The following CHMP4B variants were observed in gnomAD, a reference collection of about 807,000 sequenced individuals.
The protein encoded by CHMP4B is SNF7 homolog associated with Alix 1.
In CHMP4B, 1 loss-of-function variant was observed where a neutral mutation model predicts 25.1. That is an observed-to-expected ratio of 0.04 (90% CI 0.01 to 0.19). The LOEUF (loss-of-function observed/expected upper bound fraction) is 0.19, where lower values mean the gene tolerates loss of function less well. Ranked by LOEUF, CHMP4B falls within the 10% of genes least tolerant of loss-of-function variation. The probability of loss-of-function intolerance (pLI) is 1.00; values close to 1 mark genes in which losing one functional copy is unlikely to be tolerated. For missense variants in CHMP4B, 151 were observed against 289.7 expected, an observed-to-expected ratio of 0.52 and a Z score of 3.48; for synonymous variants, 101 against 115.6, an observed-to-expected ratio of 0.87 and a Z score of 0.81.
At position 33,841,455 on chromosome 20, in the gene CHMP4B, G is replaced by C. The variant is rs1979537944; in HGVS notation, c.191-7012G>C. On this transcript the variant is annotated intron_variant, in intron 1 of 4. Coordinates refer to ENST00000217402, the MANE Select transcript of CHMP4B (RefSeq NM_176812.5). ...GGACAGCGTTCCAAGGCTTTTGCAGGATGAGGCCCTTGTCCTGCAGGTGAG... is the reference window on the plus strand; with the variant it reads ...GGACAGCGTTCCAAGGCTTTTGCAGCATGAGGCCCTTGTCCTGCAGGTGAG... Among the ~76,000 whole-genome samples the C allele has an allele frequency of 2.0e-5, 3 of 152,344 alleles. No individual in the cohort carries two copies. In the South Asian group the frequency reaches 6.2e-4, roughly 32 times the overall value.
At chr20:33,822,808 T>C (rs1978979584) in intron 1 of CHMP4B, among the ~76,000 whole-genome samples, 1 of 152,178 alleles carries the variant, frequency 6.6e-6, no homozygotes, top group South Asian at 2.1e-4. Context: ...TTTTTTATTT[T>C]TTTGAGACAA....
At chr20:33,831,241 C>T (rs568080089) in intron 1 of CHMP4B, among the ~76,000 whole-genome samples, 86 of 152,096 alleles carry the variant, frequency 5.7e-4, no homozygotes, top group African/African-American at 1.9e-3. Context: ...ATTACAGGCA[C>T]GTACCACCAC....
At chr20:33,830,937 T>TTTTTTTTTTTTTTG (rs1979226543) in intron 1 of CHMP4B, among the ~76,000 whole-genome samples, 2 of 140,014 alleles carry the variant, frequency 1.4e-5, no homozygotes, top group South Asian at 4.8e-4. Context: ...AACAGAGTTT[T>TTTTTTTTTTTTTTG]TTTTTTTTTT....
chr20:33,846,122 C>G (rs147142770), intron 1 of CHMP4B, among the ~76,000 whole-genome samples: 1 of 152,188 alleles, frequency 6.6e-6, no homozygotes, highest in African/African-American at 2.4e-5. Flanking sequence ...AGGGCAGTAT[C>G]CTACCTTTTT....
intron 1 of CHMP4B, among the ~76,000 whole-genome samples, chr20:33,842,493 A>G (rs1017504908): frequency 1.3e-5 from 2 of 152,200 alleles, no homozygotes; most frequent in Non-Finnish European, 2.9e-5. Flanking sequence ...AGGAGGAGCT[A>G]TCTGAGTGAT....
At chr20:33,843,034 T>C (rs532350952) in intron 1 of CHMP4B, among the ~76,000 whole-genome samples, 15 of 152,358 alleles carry the variant, frequency 9.8e-5, no homozygotes, top group Admixed American at 3.3e-4. Context: ...ATCGAACTGA[T>C]GTGTTCTCTA....
At chr20:33,819,872 GA>G (rs1270066754) in intron 1 of CHMP4B, among the ~76,000 whole-genome samples, 1 of 152,122 alleles carries the variant, frequency 6.6e-6, no homozygotes, top group Non-Finnish European at 1.5e-5. Context: ...GAAATTGTTA[GA>G]AACGTGGATT....
intron 1 of CHMP4B, among the ~76,000 whole-genome samples, chr20:33,812,713 T>A (rs1302175886): frequency 6.6e-6 from 1 of 152,206 alleles, no homozygotes; most frequent in Non-Finnish European, 1.5e-5. Context: ...AGTCTGCTAG[T>A]GACTAGCAGT....
intron 1 of CHMP4B, among the ~76,000 whole-genome samples, chr20:33,816,037 C>T (rs1031234787): frequency 2.6e-5 from 4 of 152,346 alleles, no homozygotes; most frequent in African/African-American, 9.6e-5. Context: ...ACTTCAGAAG[C>T]TTTGAAACAG....
rs552830698 is a variant in CHMP4B at position 33,820,247 on chromosome 20, C to T, written c.190+8589C>T. 1.9e-3 allele frequency among the ~76,000 whole-genome samples: 283 copies of T among 152,208 alleles called. 1 individual carries two copies. The highest frequency in any genetic ancestry group is 6.6e-3 in the African/African-American group (274 of 41,538). On this transcript the variant is annotated intron_variant, in intron 1 of 4. Transcript: ENST00000217402. The stretch of plus-strand genomic sequence containing the variant: ...CCATCCTGACCTACTGAAGCAGAAC[C>T]TGCATTTTATGAGATCCTCAGGTGG...
At chr20:33,842,841 C>T (rs1979580564) in intron 1 of CHMP4B, among the ~76,000 whole-genome samples, 1 of 152,160 alleles carries the variant, frequency 6.6e-6, no homozygotes, top group African/African-American at 2.4e-5. Context: ...CCCTCCATGC[C>T]TGAATTTCTC....
At chr20:33,851,221 C>T (rs1228962449) in intron 3 of CHMP4B, among the ~76,000 whole-genome samples, 155 bp downstream of exon 3, 3 of 152,184 alleles carry the variant, frequency 2.0e-5, no homozygotes, top group African/African-American at 7.2e-5. Context: ...TTTTGAGGGA[C>T]ACTTTCTCTA....
intron 1 of CHMP4B, among the ~76,000 whole-genome samples, chr20:33,844,048 C>T (rs763479129): frequency 2.0e-5 from 3 of 152,196 alleles, no homozygotes; most frequent in African/African-American, 7.2e-5. Flanking sequence ...TGTGTGAACC[C>T]TGCAGGCAGG....
In CHMP4B at chr20:33,854,130, C is replaced by G. The variant is rs143881004; in HGVS notation, c.*570C>G. On this transcript the variant is annotated 3_prime_UTR_variant, in exon 5 of 5. Transcript: ENST00000217402. Reference sequence around the variant, plus strand: ...ACCACTCTGGCCCACTCCTCACCCCCTTGCTCCCCTGGTCTTCTGGAGTTT... The same window carrying G: ...ACCACTCTGGCCCACTCCTCACCCCGTTGCTCCCCTGGTCTTCTGGAGTTT... 1 of 157,794 alleles carries G rather than the reference C, an allele frequency of 6.3e-6. No homozygotes were observed. The highest frequency in any genetic ancestry group is 1.9e-4 in the East Asian group (1 of 5,346). 9.8% of individuals were successfully genotyped at this position (157,794 alleles called of 1,614,324 possible).
chr20:33,821,901 C>T (rs1037748368), intron 1 of CHMP4B, among the ~76,000 whole-genome samples: 3 of 152,100 alleles, frequency 2.0e-5, no homozygotes, highest in South Asian at 2.1e-4. Context: ...ACTGTAACCT[C>T]CGCCTTCTGG....
Position 33,828,530 on chromosome 20 carries a change from G to A in CHMP4B, c.190+16872G>A, listed in dbSNP as rs147515109. Reference sequence around the variant, plus strand: ...AGTGGTGAGGCGGGCGGGCACAGCCGTGGTGGAGGATCACAAACTACAGAA... The same window carrying A: ...AGTGGTGAGGCGGGCGGGCACAGCCATGGTGGAGGATCACAAACTACAGAA... On this transcript the variant is annotated intron_variant, in intron 1 of 4. Coordinates refer to ENST00000217402, the MANE Select transcript of CHMP4B (RefSeq NM_176812.5). 2.4e-3 allele frequency among the ~76,000 whole-genome samples: 373 copies of A among 152,324 alleles called. 5 individuals carry two copies. The highest frequency in any genetic ancestry group is 8.5e-3 in the African/African-American group (352 of 41,566).
chr20:33,844,761 CT>C lies in CHMP4B; in HGVS notation c.191-3691del, dbSNP rs1236212337. Among the ~76,000 whole-genome samples, 462 of 142,106 alleles carry C rather than the reference CT, an allele frequency of 3.3e-3. 1 individual carries two copies. Among genetic ancestry groups the C allele is most frequent in the Middle Eastern group, 3.6e-3 (1 of 276 alleles). The allele number at this position is 142,106 out of a possible 152,430, so 93.2% of individuals were successfully genotyped here. A position where few individuals can be genotyped will look rare whatever the true frequency, so the allele number is the denominator to read the frequency against. ...GCAGCTCTGTCAAAGAGTGTTTGCT[CT>C]TTTTTTTTTTTTTTGAGATGGAGTC... On this transcript the variant is annotated intron_variant, in intron 1 of 4. Coordinates refer to ENST00000217402, the MANE Select transcript of CHMP4B (RefSeq NM_176812.5).
At chr20:33,832,006 A>C (rs557553377) in intron 1 of CHMP4B, among the ~76,000 whole-genome samples, 1 of 152,258 alleles carries the variant, frequency 6.6e-6, no homozygotes, top group East Asian at 1.9e-4. Flanking sequence ...CAACCCCTTC[A>C]TCATGTCTCT....
At chr20:33,823,363 A>G (rs765094995) in intron 1 of CHMP4B, among the ~76,000 whole-genome samples, 3 of 151,910 alleles carry the variant, frequency 2.0e-5, no homozygotes, top group African/African-American at 7.3e-5. Context: ...GCTGTATCAC[A>G]GTAGATTTTC....
Sources: allele counts gnomAD v4.1 joint callset (sites outside exome capture counted in the v4.1 genomes callset), GRCh38; gene constraint gnomAD v4.1.1; transcripts MANE v1.5; gene names NCBI Gene and HGNC (gene_info 2026-07-23, HGNC 2026-07-21).